The following MALRD1 variants were observed in gnomAD, a reference collection of about 807,000 sequenced individuals.
MALRD1 encodes the protein MAM and LDL-receptor class A domain-containing protein 1.
Under a neutral mutation model 242.1 loss-of-function variants are expected in MALRD1, and 247 were observed. The ratio of observed to expected loss-of-function variants is 1.02; its 90% CI spans 0.92 to 1.13. MALRD1 has a LOEUF of 1.13. MALRD1 is among the 50% of genes most tolerant of loss of function. The probability of loss-of-function intolerance (pLI) is 0.00; values close to 1 mark genes in which losing one functional copy is unlikely to be tolerated. For missense variants in MALRD1, 2,989 were observed against 2,533.1 expected (o/e 1.18, Z -3.86); for synonymous variants, 995 against 866.6 (o/e 1.15, Z -2.60).
intron 14 of MALRD1, among the ~76,000 whole-genome samples, chr10:19,175,533 A>G (rs1194528803): frequency 3.3e-5 from 5 of 149,958 alleles, no homozygotes; most frequent in African/African-American, 1.2e-4. Context: ...TTCCAGTAAT[A>G]TGGAAAATAT....
chr10:19,469,969 TA>T (rs1250068524), intron 29 of MALRD1, among the ~76,000 whole-genome samples: 2 of 152,146 alleles, frequency 1.3e-5, no homozygotes, highest in East Asian at 3.9e-4. Flanking sequence ...ACACTAAACA[TA>T]AGGTCTACCT....
intron 21 of MALRD1, among the ~76,000 whole-genome samples, chr10:19,318,289 T>G (rs1842782711): frequency 6.6e-6 from 1 of 152,060 alleles, no homozygotes; most frequent in African/African-American, 2.4e-5. Flanking sequence ...TACATTGTAC[T>G]GTTCACAGTT....
chr10:19,216,067 C>T (rs1392472070), intron 18 of MALRD1, among the ~76,000 whole-genome samples: 1 of 150,356 alleles, frequency 6.7e-6, no homozygotes, highest in Non-Finnish European at 1.5e-5. Flanking sequence ...GTAGCTTCTG[C>T]TGATTAAGTA....
chr10:19,482,544 G>T (rs531427209), intron 29 of MALRD1, among the ~76,000 whole-genome samples: 2 of 151,642 alleles, frequency 1.3e-5, no homozygotes, highest in African/African-American at 4.8e-5. Flanking sequence ...CTTCCAGAAG[G>T]CCCCTGTAAC....
chr10:19,162,087 A>C (rs779514650), intron 12 of MALRD1, among the ~76,000 whole-genome samples: 11 of 152,092 alleles, frequency 7.2e-5, no homozygotes, highest in Non-Finnish European at 1.2e-4. Context: ...TAACTGAGGA[A>C]ATGAATTTTT....
chr10:19,586,675 T>A (rs890667209), intron 33 of MALRD1, among the ~76,000 whole-genome samples: 8 of 152,158 alleles, frequency 5.3e-5, no homozygotes, highest in African/African-American at 1.4e-4. Flanking sequence ...ACTGCTGTCT[T>A]TTTGTTTGTC....
chr10:19,188,432 A>C (rs767671337), intron 14 of MALRD1, among the ~76,000 whole-genome samples: 1 of 152,194 alleles, frequency 6.6e-6, no homozygotes, highest in Non-Finnish European at 1.5e-5. Context: ...TATCTGAACA[A>C]ATTTTATTTA....
At chr10:19,372,388 A>G (rs1845415938) in intron 26 of MALRD1, among the ~76,000 whole-genome samples, 1 of 152,112 alleles carries the variant, frequency 6.6e-6, no homozygotes, top group African/African-American at 2.4e-5. Context: ...TCAGAAAAAT[A>G]GAAAGGTGTT....
intron 1 of MALRD1, among the ~76,000 whole-genome samples, chr10:19,064,502 G>C (rs1834911604): frequency 6.6e-6 from 1 of 151,162 alleles, no homozygotes; most frequent in Non-Finnish European, 1.5e-5. Flanking sequence ...TAGAAGTTCA[G>C]GATTGCTTTT....
intron 38 of MALRD1, among the ~76,000 whole-genome samples, chr10:19,726,378 G>T (rs1304279618): frequency 6.6e-6 from 1 of 152,006 alleles, no homozygotes; most frequent in East Asian, 1.9e-4. Context: ...ATGAAAATCA[G>T]TACCACAATT....
intron 28 of MALRD1, among the ~76,000 whole-genome samples, chr10:19,428,520 C>T (rs530896616): frequency 6.6e-6 from 1 of 152,052 alleles, no homozygotes; most frequent in Non-Finnish European, 1.5e-5. Flanking sequence ...TTCATAAACA[C>T]CACCATCCTC....
chr10:19,261,446 T>TTAAAAA (rs1554821833), intron 19 of MALRD1, among the ~76,000 whole-genome samples: 1 of 135,046 alleles, frequency 7.4e-6, no homozygotes, highest in African/African-American at 2.7e-5. Context: ...GAGCTCTACG[T>TTAAAAA]AAAAAAAAAA....
At chr10:19,680,935 G>A (rs927850679) in intron 36 of MALRD1, among the ~76,000 whole-genome samples, 33 of 152,108 alleles carry the variant, frequency 2.2e-4, no homozygotes, top group Non-Finnish European at 4.4e-4. Flanking sequence ...ATTCTGGGTT[G>A]GAAATTATTG....
At chr10:19,412,023 G>A (rs1038309633) in intron 28 of MALRD1, among the ~76,000 whole-genome samples, 2 of 152,192 alleles carry the variant, frequency 1.3e-5, no homozygotes, top group Non-Finnish European at 2.9e-5. Context: ...TTATGGCTGG[G>A]TGCAGTGACT....
intron 13 of MALRD1, among the ~76,000 whole-genome samples, chr10:19,168,878 A>G (rs1195169337): frequency 6.6e-6 from 1 of 152,112 alleles, no homozygotes; most frequent in Non-Finnish European, 1.5e-5. Flanking sequence ...AGAAGCTAAG[A>G]CTTTTCCTCT....
intron 26 of MALRD1, among the ~76,000 whole-genome samples, chr10:19,382,890 T>G (rs946150420): frequency 2.6e-5 from 4 of 152,190 alleles, no homozygotes; most frequent in Non-Finnish European, 5.9e-5. Flanking sequence ...GGATGTATAC[T>G]CTTTCTTTAG....
At chr10:19,692,886 T>TATATATATATATATATA (rs373717863) in intron 38 of MALRD1, among the ~76,000 whole-genome samples, 3 of 136,862 alleles carry the variant, frequency 2.2e-5, no homozygotes, top group South Asian at 2.2e-4. Context: ...TATATATATA[T>TATATATATATATATATA]AATTTCATCC....
chr10:19,543,138 C>A (rs1835050156), intron 32 of MALRD1, among the ~76,000 whole-genome samples: 8 of 152,210 alleles, frequency 5.3e-5, no homozygotes, highest in Admixed American at 5.2e-4. Flanking sequence ...ACACCCTACT[C>A]CCCTGGATTT....
intron 36 of MALRD1, among the ~76,000 whole-genome samples, chr10:19,631,552 C>T (rs1039176239): frequency 6.6e-6 from 1 of 152,066 alleles, no homozygotes; most frequent in Non-Finnish European, 1.5e-5. Flanking sequence ...TGTTTTAGTT[C>T]TTTGAGGAAT....
Sources: allele counts gnomAD v4.1 joint callset (sites outside exome capture counted in the v4.1 genomes callset), GRCh38; gene constraint gnomAD v4.1.1; transcripts MANE v1.5; gene names NCBI Gene and HGNC (gene_info 2026-07-23, HGNC 2026-07-21).